The following EFCAB13 variants were observed in gnomAD, a reference collection of about 807,000 sequenced individuals.
EFCAB13 encodes EF-hand calcium binding domain 13, also known as EF-hand calcium-binding domain-containing protein 13.
A neutral mutation model predicts 110.2 loss-of-function variants in EFCAB13; 91 were observed. The observed-to-expected ratio is 0.83, with a 90% CI of 0.70 to 0.98. The LOEUF (loss-of-function observed/expected upper bound fraction) is 0.98, where lower values mean the gene tolerates loss of function less well. EFCAB13 is among the 50% of genes least tolerant of loss of function. The probability of loss-of-function intolerance (pLI) is 0.00; values close to 1 mark genes in which losing one functional copy is unlikely to be tolerated. For synonymous variants in EFCAB13, 323 were observed against 369.9 expected (o/e 0.87, Z 1.45); for missense variants, 968 against 1,119.4 (o/e 0.86, Z 1.93).
chr17:47,356,013 G>A (rs924422182), intron 9 of EFCAB13, among the ~76,000 whole-genome samples: 9 of 151,488 alleles, frequency 5.9e-5, no homozygotes, highest in Admixed American at 2.0e-4. Context: ...CACATTTTGC[G>A]TTTCTTTAAG....
In EFCAB13 at chr17:47,379,163, A is replaced by G. The variant is rs548712826; in HGVS notation, c.1511-19A>G. ...AAAAATACACCAGAATGTATAATCT[A>G]AACTCTTTTTAAAAACAGAGAATGG... On this transcript the variant is annotated intron_variant, in intron 13 of 24. Transcript: ENST00000331493. The G allele has an allele frequency of 6.2e-7, 1 of 1,602,758 alleles. No homozygotes were observed. The highest frequency in any genetic ancestry group is 1.3e-5 in the African/African-American group (1 of 74,696).
chr17:47,403,990 A>G lies in EFCAB13; in HGVS notation c.2130A>G (p.Val710=), dbSNP rs748843522. 15 of 1,599,812 alleles carry G rather than the reference A, an allele frequency of 9.4e-6. No individual in the cohort carries two copies. The Admixed American group carries it at 2.6e-4, about 28-fold the overall frequency. Residue 710 remains valine (V), a synonymous_variant, in exon 19 of 25, where the codon GTA becomes GTG. Transcript: ENST00000331493. ...NVGIKSPKEE[V]EKILQSDFVS... is the part of the protein sequence containing the mutation. ...GGATTAAGTCACCTAAAGAAGAGGT[A>G]GAGAAAATTCTTCAATCAGATTTTG...
chr17:47,417,680 C>T (rs2143481875), intron 23 of EFCAB13, among the ~76,000 whole-genome samples: 2 of 152,284 alleles, frequency 1.3e-5, no homozygotes, highest in Middle Eastern at 6.8e-3. Flanking sequence ...TCACCCTTCA[C>T]CATTTTTTTT....
Position 47,440,483 on chromosome 17 carries a change from G to C in EFCAB13, c.2691G>C (p.Leu897Phe). 6.2e-7 allele frequency: 1 copy of C among 1,609,716 alleles called. No individual in the cohort carries two copies. The highest frequency in any genetic ancestry group is 1.1e-5 in the South Asian group (1 of 89,746). Residue 897 changes from leucine to phenylalanine, a missense_variant, in exon 25 of 25, where the codon TTG becomes TTC. Coordinates refer to ENST00000331493, the MANE Select transcript of EFCAB13 (RefSeq NM_152347.5). ...QEFMTKLSDILTIPKAAGKFY... is the reference protein window; with the variant it reads ...QEFMTKLSDIFTIPKAAGKFY... Reference sequence around the variant, plus strand: ...TTATGACTAAATTATCCGATATATTGACAATTCCTAAAGCTGCAGGTAAGT... The same window carrying C: ...TTATGACTAAATTATCCGATATATTCACAATTCCTAAAGCTGCAGGTAAGT...
intron 17 of EFCAB13, 161 bp downstream of exon 17, chr17:47,396,138 ATTGT>A: frequency 2.0e-6 from 1 of 493,326 alleles, no homozygotes; most frequent in Non-Finnish European, 3.4e-6. Flanking sequence ...GAAAGTTCAG[ATTGT>A]TTGGCTATTC....
At chr17:47,376,510 A>G (rs2065615943) in intron 12 of EFCAB13, among the ~76,000 whole-genome samples, 1 of 152,214 alleles carries the variant, frequency 6.6e-6, no homozygotes, top group Non-Finnish European at 1.5e-5. Context: ...ATAACTTCCC[A>G]AAACAAATTA....
intron 23 of EFCAB13, among the ~76,000 whole-genome samples, chr17:47,424,896 T>TTTTTTTTTTTTTTTTTTTTTTTTTTTTG (rs1567807243): frequency 1.2e-5 from 1 of 84,482 alleles, no homozygotes; most frequent in African/African-American, 6.0e-5. Flanking sequence ...TTTTTTTTTT[T>TTTTTTTTTTTTTTTTTTTTTTTTTTTTG]TTTTGAGACG....
At chr17:47,404,133 C>T in intron 19 of EFCAB13, 112 bp downstream of exon 19, 1 of 852,742 alleles carries the variant, frequency 1.2e-6, no homozygotes, top group Non-Finnish European at 1.7e-6. Context: ...TGAAACGGAG[C>T]CTTTCCTCTT....
At chr17:47,367,049 A>C (rs1286001413) in intron 10 of EFCAB13, among the ~76,000 whole-genome samples, 4 of 152,246 alleles carry the variant, frequency 2.6e-5, no homozygotes, top group African/African-American at 9.6e-5. Context: ...GCCATGATCT[A>C]AGAACATGGG....
chr17:47,398,019 G>T (rs1246212880), intron 17 of EFCAB13, among the ~76,000 whole-genome samples: 1 of 147,442 alleles, frequency 6.8e-6, no homozygotes, highest in African/African-American at 2.5e-5. Context: ...GGAGGTGGGG[G>T]GATCAGCCCC....
chr17:47,388,516 G>A (rs1397585641), intron 14 of EFCAB13, among the ~76,000 whole-genome samples: 1 of 152,116 alleles, frequency 6.6e-6, no homozygotes, highest in Non-Finnish European at 1.5e-5. Context: ...GATTGCTTCT[G>A]TTCTGCCATT....
intron 14 of EFCAB13, among the ~76,000 whole-genome samples, chr17:47,387,257 T>A (rs1281029240): frequency 6.6e-6 from 1 of 152,214 alleles, no homozygotes; most frequent in Non-Finnish European, 1.5e-5. Context: ...GAATGTTCGA[T>A]GTGCTGATGA....
chr17:47,386,366 G>T (rs1404199762), intron 14 of EFCAB13, among the ~76,000 whole-genome samples: 2 of 152,154 alleles, frequency 1.3e-5, no homozygotes, highest in Non-Finnish European at 2.9e-5. Context: ...ATCTAGAGAG[G>T]CAGTCTGGCT....
chr17:47,396,257 A>G (rs893783041), intron 17 of EFCAB13, among the ~76,000 whole-genome samples: 3 of 152,142 alleles, frequency 2.0e-5, no homozygotes, highest in Non-Finnish European at 4.4e-5. Context: ...GGCATATCCC[A>G]ATGAACACAG....
intron 23 of EFCAB13, among the ~76,000 whole-genome samples, chr17:47,421,436 C>CTGAAG: frequency 6.6e-6 from 1 of 151,704 alleles, no homozygotes; most frequent in Non-Finnish European, 1.5e-5. Flanking sequence ...GCAGCATGCT[C>CTGAAG]CTTAAGAGTC....
chr17:47,345,156 A>C (rs1030087437), intron 8 of EFCAB13, 58 bp downstream of exon 8: 41 of 1,302,144 alleles, frequency 3.1e-5, no homozygotes, highest in Non-Finnish European at 1.4e-5. Context: ...CTTTTTAGGA[A>C]TTGTTTCAGC....
chr17:47,353,725 C>G (rs1282844519), intron 9 of EFCAB13, among the ~76,000 whole-genome samples: 2 of 152,158 alleles, frequency 1.3e-5, no homozygotes, highest in East Asian at 3.8e-4. Context: ...ATTAATATGC[C>G]TATATATGCA....
chr17:47,420,868 G>T (rs974051759), intron 23 of EFCAB13, among the ~76,000 whole-genome samples: 392 of 25,330 alleles, frequency 0.015, 1 homozygote, highest in South Asian at 0.036. Context: ...AGGTGGGGGG[G>T]TCAGCCCCCC....
At chr17:47,372,181 T>C (rs1237644718) in intron 11 of EFCAB13, among the ~76,000 whole-genome samples, 5 of 152,182 alleles carry the variant, frequency 3.3e-5, no homozygotes, top group Non-Finnish European at 5.9e-5. Flanking sequence ...ATTTTTCTCT[T>C]CTTTTGTGAC....
Sources: gnomAD v4.1 joint callset for allele counts (sites outside exome capture counted in the v4.1 genomes callset) on GRCh38, gnomAD v4.1.1 for gene constraint, MANE v1.5 for transcripts, NCBI Gene and HGNC (gene_info 2026-07-23, HGNC 2026-07-21) for gene names.